Variants in BRWD1 observed in about 807,000 individuals in gnomAD.
BRWD1 encodes the protein bromodomain and WD repeat domain containing 1, also known as bromodomain and WD repeat-containing protein 1.
In BRWD1, 82 loss-of-function variants were observed where a neutral mutation model predicts 251.2. The ratio of observed to expected loss-of-function variants is 0.33; its 90% CI spans 0.27 to 0.39. The LOEUF is 0.39. Among genes scored for constraint, BRWD1 ranks in the 10% least tolerant of loss-of-function variants. BRWD1 has a pLI of 1.00. For synonymous variants in BRWD1, 918 were observed against 902.8 expected (o/e 1.02, Z -0.30); for missense variants, 2,233 against 2,711.6 (o/e 0.82, Z 3.92).
rs2032007553 is a variant in BRWD1 at position 39,199,645 on chromosome 21, T to C, written c.4771A>G (p.Asn1591Asp). Residue 1591 changes from asparagine to aspartate, a missense_variant, in exon 40 of 41, where the codon AAT (asparagine) becomes GAT (aspartate). Physicochemically the swap from Asn to Asp is conservative, Grantham distance 23. Transcript: ENST00000342449. Reference sequence around the variant, plus strand: ...CGAGTGGCTTTTCTGCCACATCCATTTGCTAATGAAACGGGACCTAGAAAT... The same window carrying C: ...CGAGTGGCTTTTCTGCCACATCCATCTGCTAATGAAACGGGACCTAGAAAT... ...QRKTGPVSLA[N>D]GCGRKATRKR... The C allele has an allele frequency of 1.2e-6, 2 of 1,605,248 alleles. No individual in the cohort carries two copies. The highest frequency in any genetic ancestry group is 1.3e-5 in the African/African-American group (1 of 74,168).
Position 39,190,823 on chromosome 21 carries a change from T to C in BRWD1, c.*5436A>G. On this transcript the variant is annotated 3_prime_UTR_variant, in exon 41 of 41. Coordinates refer to ENST00000342449, the MANE Select transcript of BRWD1 (RefSeq NM_033656.4). ...ATGGCAGCATCAGGTCAAAAGACCA[T>C]CAGAAATAATTCCATGAACTAGTTC... is the stretch of plus-strand genomic sequence containing the variant. 3 of 985,332 alleles carry C rather than the reference T, an allele frequency of 3.0e-6. No homozygotes were observed. Among genetic ancestry groups the C allele is most frequent in the Non-Finnish European group, 3.6e-6 (3 of 829,874 alleles). 61.0% of individuals were successfully genotyped at this position (985,332 alleles called of 1,614,324 possible).
At chr21:39,313,802 A>C (rs1012016831), upstream of BRWD1, 2 of 362,036 alleles carry the variant, frequency 5.5e-6, no homozygotes, top group Non-Finnish European at 1.0e-5. Context: ...GGAGAAAGTG[A>C]CGCGGAGGCA....
chr21:39,206,765 A>G (rs1018288051), intron 36 of BRWD1, among the ~76,000 whole-genome samples: 2 of 152,248 alleles, frequency 1.3e-5, no homozygotes, highest in Admixed American at 6.5e-5. Flanking sequence ...CCTTGCATCC[A>G]GTAGCAGAAA....
chr21:39,291,449 A>G (rs2035804693), intron 8 of BRWD1, among the ~76,000 whole-genome samples: 1 of 152,230 alleles, frequency 6.6e-6, no homozygotes, highest in Admixed American at 6.5e-5. Context: ...AAAAGCACTG[A>G]AACAGGGTAG....
Position 39,198,792 on chromosome 21 carries a change from T to G in BRWD1, c.5624A>C (p.Lys1875Thr). 6.3e-7 allele frequency: 1 copy of G among 1,592,022 alleles called. No homozygotes were observed. Among genetic ancestry groups the G allele is most frequent in the Non-Finnish European group, 8.5e-7 (1 of 1,172,010 alleles). ...CATAAAATTGTTTGGTTTTTCTATTTTGTCATCATCTGAATCTAAATCAGT... is the reference window on the plus strand; with the variant it reads ...CATAAAATTGTTTGGTTTTTCTATTGTGTCATCATCTGAATCTAAATCAGT... ...CETDLDSDDD[K>T]IEKPNNFMKD... The change falls in exon 40 of 41, where the codon AAA becomes ACA. Residue 1875 changes from lysine (K) to threonine (T), a missense_variant. Lys to Thr is a moderately conservative substitution (Grantham distance 78, BLOSUM62 -1). Coordinates refer to ENST00000342449, the MANE Select transcript of BRWD1 (RefSeq NM_033656.4).
intron 7 of BRWD1, among the ~76,000 whole-genome samples, chr21:39,294,832 G>A (rs1250614952): frequency 1.3e-5 from 2 of 152,112 alleles, no homozygotes; most frequent in African/African-American, 4.8e-5. Context: ...TACAGTACTA[G>A]CCAGCACCCA....
At chr21:39,281,911 T>TAC (rs2035473513) in intron 8 of BRWD1, among the ~76,000 whole-genome samples, 1 of 71,120 alleles carries the variant, frequency 1.4e-5, no homozygotes, top group Non-Finnish European at 3.5e-5. Context: ...TGTATACATG[T>TAC]ATATATATAC....
In BRWD1 at chr21:39,191,113, A is replaced by G. The variant is rs1437188212; in HGVS notation, c.*5146T>C. On this transcript the variant is annotated 3_prime_UTR_variant, in exon 41 of 41. Coordinates refer to ENST00000342449, the MANE Select transcript of BRWD1 (RefSeq NM_033656.4). ...AAGCAATACCTTAAGAGCATTTCAC[A>G]CTAAATGCAGGCAGAATCAGAAGTA... The G allele has an allele frequency of 1.0e-6, 1 of 985,330 alleles. No homozygotes were observed. 61.0% of individuals were successfully genotyped at this position (985,330 alleles called of 1,614,324 possible). A position where few individuals can be genotyped will look rare whatever the true frequency, so the allele number is the denominator to read the frequency against.
chr21:39,247,886 T>A, intron 20 of BRWD1, 54 bp from the exon 21 acceptor site: 2 of 1,478,008 alleles, frequency 1.4e-6, no homozygotes, highest in Non-Finnish European at 9.0e-7. Flanking sequence ...AAGGACAATA[T>A]CAACAAAATG....
intron 33 of BRWD1, 135 bp from the exon 34 acceptor site, chr21:39,212,842 A>C (rs1018403507): frequency 8.4e-6 from 5 of 595,980 alleles, no homozygotes; most frequent in Non-Finnish European, 1.4e-5. Context: ...TCTCCAAAGA[A>C]AGACTACCAG....
chr21:39,273,068 AT>A (rs2035169212), intron 13 of BRWD1, among the ~76,000 whole-genome samples: 1 of 152,258 alleles, frequency 6.6e-6, no homozygotes, highest in Non-Finnish European at 1.5e-5. Context: ...AAATGAGAAG[AT>A]ATTTTCTCAT....
intron 21 of BRWD1, among the ~76,000 whole-genome samples, chr21:39,246,697 G>A (rs911168108): frequency 6.6e-6 from 1 of 152,272 alleles, no homozygotes; most frequent in South Asian, 2.1e-4. Flanking sequence ...AAAGAATGAA[G>A]TATTGATACA....
rs1252738917 is a variant in BRWD1, at chr21:39,187,593, A to G, written c.*8666T>C. On this transcript the variant is annotated 3_prime_UTR_variant, in exon 41 of 41. Transcript: ENST00000342449. Reference sequence around the variant, plus strand: ...CTTCTTCACATTGATATAACCTTACATTTGCTTATCTACAACTATAAGGAT... The same window carrying G: ...CTTCTTCACATTGATATAACCTTACGTTTGCTTATCTACAACTATAAGGAT... The G allele has an allele frequency of 1.0e-6, 1 of 985,058 alleles. No homozygotes were observed. The highest frequency in any genetic ancestry group is 1.7e-5 in the African/African-American group (1 of 57,206). The allele number at this position is 985,058 out of a possible 1,614,324, so 61.0% of individuals were successfully genotyped here. A position where few individuals can be genotyped will look rare whatever the true frequency, so the allele number is the denominator to read the frequency against.
intron 19 of BRWD1, among the ~76,000 whole-genome samples, chr21:39,253,277 A>T (rs1274408062): frequency 1.5e-5 from 2 of 129,288 alleles, no homozygotes; most frequent in Non-Finnish European, 3.3e-5. Flanking sequence ...GACAAAAGCG[A>T]AACTGTCTCA....
intron 13 of BRWD1, among the ~76,000 whole-genome samples, chr21:39,272,440 C>T (rs921215267): frequency 2.7e-5 from 4 of 150,348 alleles, no homozygotes; most frequent in East Asian, 2.0e-4. Context: ...GGCAGGAGAA[C>T]GGCATGAACC....
rs1237495819 is a variant in BRWD1 at position 39,194,421 on chromosome 21, C to G, written c.*1838G>C. 8.2e-7 allele frequency: 1 copy of G among 1,222,186 alleles called. No individual in the cohort carries two copies. Among genetic ancestry groups the G allele is most frequent in the Non-Finnish European group, 1.0e-6 (1 of 979,988 alleles). The allele number at this position is 1,222,186 out of a possible 1,614,324, so 75.7% of individuals were successfully genotyped here. ...GCAAAGTAAAAGGCATCCCATTAGT[C>G]TTTTCAGTCTTAGTCAAGGACAATT... is the stretch of plus-strand genomic sequence containing the variant. On this transcript the variant is annotated 3_prime_UTR_variant, in exon 41 of 41. Transcript: ENST00000342449.
chr21:39,274,052 A>G (rs925594946), intron 13 of BRWD1, among the ~76,000 whole-genome samples: 8 of 152,188 alleles, frequency 5.3e-5, no homozygotes, highest in African/African-American at 1.9e-4. Flanking sequence ...TTCCACTCTT[A>G]ACGTACTTGA....
intron 1 of BRWD1, among the ~76,000 whole-genome samples, chr21:39,320,667 CTT>C (rs35218849): frequency 0.022 from 2,133 of 99,176 alleles, 40 homozygotes; most frequent in African/African-American, 0.076. Context: ...AGAGTCATAT[CTT>C]TTTTTTTTTT....
chr21:39,220,078 T>C (rs925824351), intron 29 of BRWD1, among the ~76,000 whole-genome samples: 1 of 146,716 alleles, frequency 6.8e-6, no homozygotes, highest in Admixed American at 6.7e-5. Context: ...TCAAATCACA[T>C]CTATACCACC....
Sources: gnomAD v4.1 joint callset for allele counts (sites outside exome capture counted in the v4.1 genomes callset) on GRCh38, gnomAD v4.1.1 for gene constraint, MANE v1.5 for transcripts, NCBI Gene and HGNC (gene_info 2026-07-23, HGNC 2026-07-21) for gene names.